SORBS2: variants seen among roughly 807,000 people sequenced by gnomAD.
SORBS2 encodes sorbin and SH3 domain-containing protein 2.
Under a neutral mutation model 97.7 loss-of-function variants are expected in SORBS2, and 46 were observed. That is an observed-to-expected ratio of 0.47 (90% CI 0.37 to 0.60). The LOEUF (loss-of-function observed/expected upper bound fraction) is 0.60. Among genes scored for constraint, SORBS2 ranks in the 20% least tolerant of loss-of-function variants. SORBS2 has a pLI of 0.00. For missense variants in SORBS2, 1,316 were observed against 1,282.3 expected, an observed-to-expected ratio of 1.03 and a Z score of -0.40; for synonymous variants, 476 against 473.4, an observed-to-expected ratio of 1.01 and a Z score of -0.07.
intron 2 of SORBS2, among the ~76,000 whole-genome samples, chr4:185,691,897 A>G (rs1208074658): frequency 2.0e-5 from 3 of 152,174 alleles, no homozygotes; most frequent in Non-Finnish European, 4.4e-5. Context: ...GGCACCCGCC[A>G]CCACGCTCGG....
chr4:185,646,873 T>C (rs927239964), intron 3 of SORBS2, 91 bp from the exon 13 acceptor site: 10 of 741,386 alleles, frequency 1.3e-5, no homozygotes, highest in Non-Finnish European at 2.1e-5. Flanking sequence ...ACATTACTTT[T>C]AGCATAGTTT....
chr4:185,869,784 A>G (rs910066121), intron 1 of SORBS2, among the ~76,000 whole-genome samples: 13 of 152,234 alleles, frequency 8.5e-5, no homozygotes, highest in Non-Finnish European at 1.5e-4. Flanking sequence ...GGAATTGGGA[A>G]TCACTGAGCC....
At chr4:185,822,116 T>C (rs1252521310) in intron 1 of SORBS2, among the ~76,000 whole-genome samples, 1 of 152,248 alleles carries the variant, frequency 6.6e-6, no homozygotes, top group East Asian at 1.9e-4. Context: ...TCACTCTGTG[T>C]ATAGAAAAAA....
chr4:185,815,919 TA>T (rs1477512558), intron 1 of SORBS2, among the ~76,000 whole-genome samples: 2 of 152,232 alleles, frequency 1.3e-5, no homozygotes, highest in African/African-American at 4.8e-5. Flanking sequence ...AAAATGAGAA[TA>T]AAAATAGTGT....
chr4:185,841,492 C>T (rs2099211517), intron 1 of SORBS2, among the ~76,000 whole-genome samples: 1 of 152,150 alleles, frequency 6.6e-6, no homozygotes, highest in South Asian at 2.1e-4. Flanking sequence ...GCCAGAGCCC[C>T]AGATTATTCA....
chr4:185,705,965 A>G (rs1583126635), intron 2 of SORBS2, among the ~76,000 whole-genome samples: 2 of 152,230 alleles, frequency 1.3e-5, no homozygotes, highest in Non-Finnish European at 2.9e-5. Context: ...TAGAGGTGTC[A>G]GGCTAACAAA....
chr4:185,744,009 T>C (rs2098744704), intron 2 of SORBS2, among the ~76,000 whole-genome samples: 1 of 132,828 alleles, frequency 7.5e-6, no homozygotes, highest in Admixed American at 7.9e-5. Flanking sequence ...CCCTCACCTT[T>C]CCCCTTTCCC....
chr4:185,628,197 A>G (rs2096849619), intron 5 of SORBS2, among the ~76,000 whole-genome samples: 1 of 152,184 alleles, frequency 6.6e-6, no homozygotes, highest in African/African-American at 2.4e-5. Context: ...TTGAACGTCA[A>G]AATTCTCCTA....
At chr4:185,947,380 G>C (rs1240407651) in intron 1 of SORBS2, among the ~76,000 whole-genome samples, 1 of 152,164 alleles carries the variant, frequency 6.6e-6, no homozygotes, top group Non-Finnish European at 1.5e-5. Flanking sequence ...AAACTTTGGA[G>C]GTGATGTGAG....
At chr4:185,700,808 T>G (rs531663963) in intron 2 of SORBS2, among the ~76,000 whole-genome samples, 1 of 152,336 alleles carries the variant, frequency 6.6e-6, no homozygotes, top group African/African-American at 2.4e-5. Context: ...ATGACCTCAC[T>G]TCTAGTTCTT....
At chr4:185,841,224 T>C (rs1431665640) in intron 1 of SORBS2, among the ~76,000 whole-genome samples, 1 of 151,932 alleles carries the variant, frequency 6.6e-6, no homozygotes, top group Non-Finnish European at 1.5e-5. Context: ...GTCAGAGGAG[T>C]ACTTCTGGTA....
intron 2 of SORBS2, among the ~76,000 whole-genome samples, chr4:185,746,052 G>A (rs1160074394): frequency 2.0e-5 from 3 of 152,210 alleles, no homozygotes; most frequent in African/African-American, 7.2e-5. Flanking sequence ...AGTGACAGAA[G>A]CATAGAGGGA....
chr4:185,657,524 C>A (rs753794088), upstream of SORBS2: 4 of 1,572,898 alleles, frequency 2.5e-6, no homozygotes, highest in Non-Finnish European at 2.6e-6. Context: ...CTCTGAGGAT[C>A]GGTACAGGGG....
At chr4:185,770,975 CTTTTTTTTTTTTT>C (rs747070975) in intron 2 of SORBS2, 1 of 72,728 alleles carries the variant, frequency 1.4e-5, no homozygotes, top group African/African-American at 5.4e-5. Context: ...TCATCGTTTC[CTTTTTTTTTTTTT>C]TTTTTTTTTG....
chr4:185,654,404 C>G (rs1437289960), intron 1 of SORBS2, among the ~76,000 whole-genome samples: 1 of 152,174 alleles, frequency 6.6e-6, no homozygotes, highest in African/African-American at 2.4e-5. Context: ...TTTTCCTGGA[C>G]GTGCTGATGG....
At chr4:185,899,863 G>C (rs1034288944) in intron 1 of SORBS2, among the ~76,000 whole-genome samples, 2 of 152,152 alleles carry the variant, frequency 1.3e-5, no homozygotes, top group Non-Finnish European at 2.9e-5. Flanking sequence ...TTATTAGAAG[G>C]GGGTAAAGTT....
At chr4:185,763,305 G>C (rs565141542) in intron 2 of SORBS2, among the ~76,000 whole-genome samples, 3 of 152,182 alleles carry the variant, frequency 2.0e-5, no homozygotes, top group Non-Finnish European at 4.4e-5. Context: ...CCCTTGGCCA[G>C]GTGGGAGGCA....
intron 2 of SORBS2, among the ~76,000 whole-genome samples, chr4:185,743,038 A>G (rs2098737232): frequency 6.6e-6 from 1 of 152,198 alleles, no homozygotes; most frequent in South Asian, 2.1e-4. Context: ...CTGGAGAGGC[A>G]TCTCCTTTAC....
chr4:185,911,347 C>T (rs1444848396), intron 1 of SORBS2, among the ~76,000 whole-genome samples: 1 of 152,134 alleles, frequency 6.6e-6, no homozygotes, highest in South Asian at 2.1e-4. Context: ...CTTGCCTCAG[C>T]CTCCTGAGTA....
Sources: gnomAD v4.1 joint callset for allele counts (sites outside exome capture counted in the v4.1 genomes callset) on GRCh38, gnomAD v4.1.1 for gene constraint, MANE v1.5 for transcripts, NCBI Gene and HGNC (gene_info 2026-07-23, HGNC 2026-07-21) for gene names.